Variants in SPAG16 observed in about 807,000 individuals in gnomAD.
The protein encoded by SPAG16 is sperm-associated antigen 16 protein.
A neutral mutation model predicts 80.4 loss-of-function variants in SPAG16; 86 were observed. The ratio of observed to expected loss-of-function variants is 1.07; its 90% CI spans 0.90 to 1.28. SPAG16 has a LOEUF of 1.28. Ranked by LOEUF, SPAG16 falls within the 50% of genes most tolerant of loss-of-function variation. The probability of loss-of-function intolerance (pLI) is 0.00; values close to 1 mark genes in which losing one functional copy is unlikely to be tolerated. For synonymous variants in SPAG16, 294 were observed against 265.9 expected, an observed-to-expected ratio of 1.11 and a Z score of -1.03; for missense variants, 870 against 765.3, an observed-to-expected ratio of 1.14 and a Z score of -1.61.
intron 9 of SPAG16, among the ~76,000 whole-genome samples, chr2:213,448,077 A>G (rs115053772): frequency 0.015 from 2,223 of 152,346 alleles, 25 homozygotes; most frequent in South Asian, 0.038. Flanking sequence ...TGCCAGGCCA[A>G]TTCCACCCAA....
chr2:213,659,300 C>A (rs2063335185), intron 10 of SPAG16, among the ~76,000 whole-genome samples: 1 of 149,016 alleles, frequency 6.7e-6, no homozygotes, highest in Non-Finnish European at 1.5e-5. Context: ...ATTCTGATTC[C>A]ACAGATATTC....
intron 9 of SPAG16, among the ~76,000 whole-genome samples, chr2:213,430,245 G>A (rs1161169182): frequency 1.3e-5 from 2 of 152,136 alleles, no homozygotes; most frequent in Admixed American, 1.3e-4. Flanking sequence ...AAAGAAAAGA[G>A]CATTTTGGAA....
intron 11 of SPAG16, among the ~76,000 whole-genome samples, chr2:213,920,653 G>T (rs964303260): frequency 1.3e-5 from 2 of 152,208 alleles, no homozygotes; most frequent in African/African-American, 4.8e-5. Flanking sequence ...GCATGGCCAG[G>T]CTGGGGCCCT....
intron 5 of SPAG16, among the ~76,000 whole-genome samples, chr2:213,335,953 G>T (rs1351108407): frequency 6.6e-6 from 1 of 152,084 alleles, no homozygotes; most frequent in East Asian, 1.9e-4. Flanking sequence ...CTCCCACCAA[G>T]AAGGATGAAA....
chr2:214,057,178 CTTTTTT>C (rs36181178), intron 13 of SPAG16, among the ~76,000 whole-genome samples: 3 of 144,528 alleles, frequency 2.1e-5, no homozygotes, highest in Middle Eastern at 3.3e-3. Flanking sequence ...TTTCAGTTTA[CTTTTTT>C]TTTTTTTTTT....
chr2:213,610,734 G>A (rs777290400), intron 10 of SPAG16, among the ~76,000 whole-genome samples: 3 of 152,080 alleles, frequency 2.0e-5, no homozygotes, highest in African/African-American at 7.2e-5. Flanking sequence ...GAGGAAGAAC[G>A]CGTCTACCCT....
At chr2:214,106,600 C>A (rs750685111) in intron 13 of SPAG16, among the ~76,000 whole-genome samples, 1 of 152,066 alleles carries the variant, frequency 6.6e-6, no homozygotes, top group South Asian at 2.1e-4. Context: ...AGTTATAAAG[C>A]CTTTCCAACT....
intron 10 of SPAG16, among the ~76,000 whole-genome samples, chr2:213,713,681 G>A (rs2066105915): frequency 6.6e-6 from 1 of 152,122 alleles, no homozygotes; most frequent in South Asian, 2.1e-4. Context: ...AAAATTCAAG[G>A]CAGGGAAAGA....
intron 10 of SPAG16, among the ~76,000 whole-genome samples, 174 bp from the exon 11 acceptor site, chr2:213,862,311 A>G (rs138097806): frequency 1.2e-4 from 18 of 152,320 alleles, no homozygotes; most frequent in African/African-American, 1.4e-4. Context: ...GAAAGCTACT[A>G]GTGTTAGAGC....
intron 15 of SPAG16, among the ~76,000 whole-genome samples, chr2:214,249,010 G>A (rs1017943270): frequency 2.6e-5 from 4 of 152,244 alleles, no homozygotes; most frequent in Non-Finnish European, 4.4e-5. Context: ...GGCAGAGAAA[G>A]CATATTTAAG....
intron 10 of SPAG16, among the ~76,000 whole-genome samples, chr2:213,557,995 T>C (rs1225038646): frequency 6.6e-6 from 1 of 152,204 alleles, no homozygotes; most frequent in Admixed American, 6.5e-5. Flanking sequence ...TTCTGAACGA[T>C]ATTTATTTTT....
chr2:213,484,850 G>C lies in SPAG16; in HGVS notation c.943-5113G>C, dbSNP rs992008410. On this transcript the variant is annotated intron_variant, in intron 9 of 15. Transcript: ENST00000331683. ...TTATCAGCAGACTTTCTGAGTCCAT[G>C]GACTATCTATACTAATAAGACCTTG... is the stretch of plus-strand genomic sequence containing the variant. Among the ~76,000 whole-genome samples the C allele has an allele frequency of 1.1e-4, 17 of 152,116 alleles. No individual in the cohort carries two copies. In the East Asian group the frequency reaches 3.1e-3, roughly 28 times the overall value.
rs1702230921 is a variant in SPAG16, at chr2:214,410,344, T to C, written c.*29T>C. ...TCAGCACATCCCGCTGCAGAGGGCA[T>C]TCCCTTTAAGGCTTGAAAATGCCTC... On this transcript the variant is annotated 3_prime_UTR_variant, in exon 16 of 16. Coordinates refer to ENST00000331683, the MANE Select transcript of SPAG16 (RefSeq NM_024532.5). 6.4e-7 allele frequency: 1 copy of C among 1,566,206 alleles called. No homozygotes were observed. The highest frequency in any genetic ancestry group is 8.7e-7 in the Non-Finnish European group (1 of 1,147,746).
chr2:213,482,192 G>C (rs2073780820), intron 9 of SPAG16, among the ~76,000 whole-genome samples: 2 of 152,218 alleles, frequency 1.3e-5, no homozygotes, highest in South Asian at 4.1e-4. Context: ...GGCTGGATGG[G>C]AGTTCCTGCC....
At chr2:214,243,654 A>G (rs1162558782) in intron 15 of SPAG16, among the ~76,000 whole-genome samples, 6 of 152,126 alleles carry the variant, frequency 3.9e-5, no homozygotes, top group African/African-American at 7.2e-5. Context: ...TTGGGAATTT[A>G]TGTTTATATT....
At chr2:214,108,120 C>A in intron 13 of SPAG16, 76 bp from the exon 14 acceptor site, 1 of 1,177,130 alleles carries the variant, frequency 8.5e-7, no homozygotes, top group Non-Finnish European at 1.2e-6. Context: ...TACTTTAAAA[C>A]TTAAAAGCAT....
At chr2:214,250,456 T>G (rs921946021) in intron 15 of SPAG16, among the ~76,000 whole-genome samples, 5 of 151,104 alleles carry the variant, frequency 3.3e-5, no homozygotes. Context: ...TCTCTAATAA[T>G]TATTCAGTTT....
At position 214,148,763 on chromosome 2, in the gene SPAG16, TATATG is replaced by T. The variant is rs535115404; in HGVS notation, c.1594-372_1594-368del. On this transcript the variant is annotated intron_variant, in intron 14 of 15. Coordinates refer to ENST00000331683, the MANE Select transcript of SPAG16 (RefSeq NM_024532.5). The stretch of plus-strand genomic sequence containing the variant: ...TATGTGTCACATATATCATATGCAT[TATATG>T]ATATATGTATATATATGCAAATTAT... 3.5e-4 allele frequency among the ~76,000 whole-genome samples: 53 copies of T among 152,254 alleles called. No individual in the cohort carries two copies. In the South Asian group the frequency reaches 5.6e-3, roughly 16 times the overall value.
chr2:214,112,773 C>T (rs767482126), intron 14 of SPAG16, among the ~76,000 whole-genome samples: 7 of 150,936 alleles, frequency 4.6e-5, no homozygotes, highest in Non-Finnish European at 7.4e-5. Flanking sequence ...GATTCTTTAT[C>T]GAACTTGCCA....
Sources: gnomAD v4.1 joint callset for allele counts (sites outside exome capture counted in the v4.1 genomes callset) on GRCh38, gnomAD v4.1.1 for gene constraint, MANE v1.5 for transcripts, NCBI Gene and HGNC (gene_info 2026-07-23, HGNC 2026-07-21) for gene names.